Variants in FAM13B observed in about 807,000 individuals in gnomAD.
FAM13B encodes protein FAM13B.
Under a neutral mutation model 117.3 loss-of-function variants are expected in FAM13B, and 60 were observed. The ratio of observed to expected loss-of-function variants is 0.51; its 90% CI spans 0.42 to 0.63. FAM13B has a LOEUF of 0.63. FAM13B is among the 30% of genes least tolerant of loss of function. The probability of loss-of-function intolerance (pLI) is 0.00; values close to 1 mark genes in which losing one functional copy is unlikely to be tolerated. For synonymous variants in FAM13B, 332 were observed against 356.1 expected (o/e 0.93, Z 0.76); for missense variants, 972 against 1,091.9 (o/e 0.89, Z 1.55).
At chr5:138,042,335 A>AG (rs1791522279) in intron 1 of FAM13B, among the ~76,000 whole-genome samples, 1 of 152,146 alleles carries the variant, frequency 6.6e-6, no homozygotes, top group South Asian at 2.1e-4. Context: ...GTGGTTAAGG[A>AG]GGGAAGTCTT....
At chr5:137,959,289 C>T (rs898462338) in intron 13 of FAM13B, among the ~76,000 whole-genome samples, 8 of 152,240 alleles carry the variant, frequency 5.3e-5, no homozygotes, top group Non-Finnish European at 1.0e-4. Context: ...CCTTAACATA[C>T]TGGGCTTCCA....
intron 17 of FAM13B, among the ~76,000 whole-genome samples, chr5:137,949,619 A>G (rs1025921703): frequency 1.3e-5 from 2 of 152,160 alleles, no homozygotes; most frequent in Non-Finnish European, 2.9e-5. Context: ...GTCTCTACTA[A>G]AAATACAAAA....
At position 138,011,005 on chromosome 5, in the gene FAM13B, C is replaced by T. The variant is rs746226682; in HGVS notation, c.690+3G>A. The T allele has an allele frequency of 6.5e-7, 1 of 1,538,848 alleles. No individual in the cohort carries two copies. The highest frequency in any genetic ancestry group is 8.8e-7 in the Non-Finnish European group (1 of 1,139,344). ...ATTATCCCTCCAAATAGAATATTCTCACCTGTTCAGTAATTGAACTCAAAT... is the reference window on the plus strand; with the variant it reads ...ATTATCCCTCCAAATAGAATATTCTTACCTGTTCAGTAATTGAACTCAAAT... On this transcript the variant is annotated splice_donor_region_variant and intron_variant, in intron 6 of 23. Coordinates refer to ENST00000689681, the MANE Select transcript of FAM13B (RefSeq NM_001385994.1).
intron 10 of FAM13B, among the ~76,000 whole-genome samples, chr5:137,967,240 A>G (rs1419140691): frequency 6.6e-6 from 1 of 152,224 alleles, no homozygotes; most frequent in Non-Finnish European, 1.5e-5. Context: ...TAAATAAAAA[A>G]TATGGCCAGG....
rs575129855 is a variant in FAM13B, at chr5:138,003,233, T to C, written c.848+3757A>G. Reference sequence around the variant, plus strand: ...TCTTTAATAACAAATAGAATATAAATTGACCACAGTCTAGAAGGTACTACA... The same window carrying C: ...TCTTTAATAACAAATAGAATATAAACTGACCACAGTCTAGAAGGTACTACA... On this transcript the variant is annotated intron_variant, in intron 7 of 23. Transcript: ENST00000689681. 3.9e-5 allele frequency among the ~76,000 whole-genome samples: 6 copies of C among 152,242 alleles called. No individual in the cohort carries two copies. The East Asian group carries it at 7.7e-4, about 20-fold the overall frequency.
At chr5:137,958,652 C>T (rs1410815012) in intron 13 of FAM13B, among the ~76,000 whole-genome samples, 1 of 152,200 alleles carries the variant, frequency 6.6e-6, no homozygotes, top group Non-Finnish European at 1.5e-5. Flanking sequence ...CTTGAGTTAT[C>T]TCATTGTCTC....
intron 4 of FAM13B, among the ~76,000 whole-genome samples, chr5:138,013,909 T>C (rs1014804219): frequency 2.0e-5 from 3 of 152,208 alleles, no homozygotes; most frequent in African/African-American, 7.2e-5. Context: ...CATCTTCCCT[T>C]ATCCCCTATA....
chr5:137,945,239 T>C (rs560669225), intron 20 of FAM13B, among the ~76,000 whole-genome samples: 1 of 152,204 alleles, frequency 6.6e-6, no homozygotes, highest in Non-Finnish European at 1.5e-5. Context: ...TAGGAAATAA[T>C]GTAAAATGGG....
upstream of FAM13B, among the ~76,000 whole-genome samples, chr5:138,035,141 T>C (rs1791027626): frequency 6.6e-6 from 1 of 150,970 alleles, no homozygotes; most frequent in Non-Finnish European, 1.5e-5. Context: ...GTCTCCTGAG[T>C]AGCTGGGACT....
intron 1 of FAM13B, among the ~76,000 whole-genome samples, chr5:138,046,947 T>C (rs529524857): frequency 1.3e-5 from 2 of 151,940 alleles, no homozygotes; most frequent in South Asian, 4.2e-4. Flanking sequence ...GGTTTCACCA[T>C]CTTGGCCAGG....
intron 1 of FAM13B, among the ~76,000 whole-genome samples, chr5:138,031,537 T>C (rs1790005507): frequency 6.6e-6 from 1 of 151,780 alleles, no homozygotes; most frequent in Non-Finnish European, 1.5e-5. Context: ...ATACAAAAAT[T>C]AGTCAGGCGT....
chr5:137,992,562 C>G (rs189987314), intron 7 of FAM13B, among the ~76,000 whole-genome samples: 212 of 152,118 alleles, frequency 1.4e-3, no homozygotes, highest in Admixed American at 2.1e-3. Flanking sequence ...TCATTGCACT[C>G]TAGCCTGGGC....
intron 7 of FAM13B, among the ~76,000 whole-genome samples, chr5:138,004,934 G>A (rs1168111877): frequency 6.6e-6 from 1 of 152,068 alleles, no homozygotes; most frequent in Non-Finnish European, 1.5e-5. Flanking sequence ...GGAGAGCAGA[G>A]CTCTAAATTA....
intron 13 of FAM13B, among the ~76,000 whole-genome samples, chr5:137,959,064 A>G (rs2150277558): frequency 6.6e-6 from 1 of 152,332 alleles, no homozygotes; most frequent in South Asian, 2.1e-4. Context: ...GCATATACCC[A>G]TGTTGTTTGC....
chr5:138,009,207 A>G (rs1783314554), intron 6 of FAM13B, among the ~76,000 whole-genome samples: 1 of 152,248 alleles, frequency 6.6e-6, no homozygotes. Context: ...AAGTACATGC[A>G]GCAGATTCTG....
intron 1 of FAM13B, among the ~76,000 whole-genome samples, chr5:138,028,352 T>C (rs1283222030): frequency 2.0e-5 from 3 of 152,246 alleles, no homozygotes; most frequent in African/African-American, 7.2e-5. Flanking sequence ...TTATCATTTT[T>C]CATAGCTCGT....
chr5:137,998,680 A>C (rs1780440067), intron 7 of FAM13B, among the ~76,000 whole-genome samples: 1 of 152,250 alleles, frequency 6.6e-6, no homozygotes, highest in Non-Finnish European at 1.5e-5. Flanking sequence ...AAACACCTGA[A>C]TACTTAAAGA....
At chr5:138,014,103 T>C (rs1432329917) in intron 4 of FAM13B, among the ~76,000 whole-genome samples, 1 of 152,202 alleles carries the variant, frequency 6.6e-6, no homozygotes, top group African/African-American at 2.4e-5. Context: ...CAGCTGGCTA[T>C]TTTTTGAAGT....
chr5:137,954,181 G>A lies in FAM13B; in HGVS notation c.1703C>T (p.Ala568Val), dbSNP rs1351283149. Residue 568 changes from alanine (A) to valine (V), a missense_variant, in exon 15 of 24, where the codon GCA (alanine) becomes GTA (valine). Ala to Val is a moderately conservative substitution (Grantham distance 64). Transcript: ENST00000689681. Reference protein sequence around the residue: ...DPEKLDSSSKALSFTRIRRSS... With the variant: ...DPEKLDSSSKVLSFTRIRRSS... ...AATCATATACCTAGTAAAAGACAGT[G>A]CTTTAGATGAGGAATCCAACTTTTC... 30 of 1,613,414 alleles carry A rather than the reference G, an allele frequency of 1.9e-5. No individual in the cohort carries two copies. Among genetic ancestry groups the A allele is most frequent in the Non-Finnish European group, 2.4e-5 (28 of 1,179,716 alleles).
Sources: allele counts gnomAD v4.1 joint callset (sites outside exome capture counted in the v4.1 genomes callset), GRCh38; gene constraint gnomAD v4.1.1; transcripts MANE v1.5; gene names NCBI Gene and HGNC (gene_info 2026-07-23, HGNC 2026-07-21).